Variants in UGT2B11 observed in about 807,000 individuals in gnomAD.
UGT2B11 encodes the protein UDP glucuronosyltransferase family 2 member B11.
UGT2B11 carries 49 observed loss-of-function variants against 51.7 expected under a neutral mutation model. The observed-to-expected ratio is 0.95, with a 90% CI of 0.75 to 1.20. The LOEUF (loss-of-function observed/expected upper bound fraction) is 1.20, where lower values mean the gene tolerates loss of function less well. UGT2B11 is among the 50% of genes most tolerant of loss of function. UGT2B11 has a pLI of 0.00. For missense variants in UGT2B11, 810 were observed against 622.1 expected, an observed-to-expected ratio of 1.30 and a Z score of -3.21; for synonymous variants, 273 against 209.0, an observed-to-expected ratio of 1.31 and a Z score of -2.64.
Position 69,214,634 on chromosome 4 carries a change from G to A in UGT2B11, c.89C>T (p.Ala30Val). The A allele has an allele frequency of 6.2e-7, 1 of 1,613,128 alleles. No individual in the cohort carries two copies. Among genetic ancestry groups the A allele is most frequent in the Non-Finnish European group, 8.5e-7 (1 of 1,179,342 alleles). The change falls in exon 1 of 6, where the codon GCC (alanine) becomes GTC (valine). Residue 30 changes from alanine to valine, a missense_variant. Coordinates refer to ENST00000446444, the MANE Select transcript of UGT2B11 (RefSeq NM_001073.3). The part of the protein sequence containing the change: ...SGSCGKVLVW[A>V]AEYSHWMNMK... ...ATTCATCCAATGGCTGTATTCTGCG[G>A]CCCACACCAGCACTTTTCCACAACT...
chr4:69,224,210 G>A, the UGT2B11 span, among the ~76,000 whole-genome samples: 1 of 152,166 alleles, frequency 6.6e-6, no homozygotes, highest in East Asian at 1.9e-4. Flanking sequence ...GAGGAAAGAA[G>A]TCTGGCCGGC....
chr4:69,217,116 A>G (rs193146662), upstream of UGT2B11, among the ~76,000 whole-genome samples: 5 of 152,244 alleles, frequency 3.3e-5, no homozygotes, highest in African/African-American at 1.2e-4. Context: ...CTAAATTACA[A>G]TATTTTATTT....
At chr4:69,208,503 C>G in intron 2 of UGT2B11, 21 bp from the exon 3 acceptor site, 1 of 1,606,368 alleles carries the variant, frequency 6.2e-7, no homozygotes, top group Non-Finnish European at 8.5e-7. Context: ...AAAATTGTTT[C>G]ATCACAAAAG....
At chr4:69,202,663 T>C (rs1381402610) in intron 5 of UGT2B11, among the ~76,000 whole-genome samples, 2 of 151,800 alleles carry the variant, frequency 1.3e-5, no homozygotes, top group Non-Finnish European at 2.9e-5. Context: ...GTTCTTCAAA[T>C]GTTTTATGTC....
chr4:69,215,768 C>T (rs1226832115), upstream of UGT2B11: 1 of 151,936 alleles, frequency 6.6e-6, no homozygotes, highest in African/African-American at 2.4e-5. Flanking sequence ...GTCTCCACAA[C>T]CTTGCCCACC....
At chr4:69,208,726 G>C (rs537939692) in intron 2 of UGT2B11, among the ~76,000 whole-genome samples, 1 of 151,728 alleles carries the variant, frequency 6.6e-6, no homozygotes, top group South Asian at 2.1e-4. Context: ...GTGTGTAATG[G>C]AGGAAAGAAA....
chr4:69,218,518 C>G (rs140938838), upstream of UGT2B11, among the ~76,000 whole-genome samples: 75 of 151,778 alleles, frequency 4.9e-4, no homozygotes, highest in African/African-American at 1.6e-3. Flanking sequence ...TTTTTTTCTT[C>G]AGAGTTAATG....
In UGT2B11 at chr4:69,208,445, C is replaced by A. The variant is rs767373393; in HGVS notation, c.908G>T (p.Gly303Val). Residue 303 changes from glycine to valine, a missense_variant, in exon 3 of 6, where the codon GGT (glycine) becomes GTT (valine). Physicochemically the swap from Gly to Val is moderately radical, Grantham distance 109. Transcript: ENST00000446444. The part of the protein sequence containing the change: ...EEFVQSSGEN[G>V]VVVFSLGSVI... ...TGACCCCAGAGAAAACACCACAACACCATTTTCTCCAGAGCTCTGTACAAA... is the reference window on the plus strand; with the variant it reads ...TGACCCCAGAGAAAACACCACAACAACATTTTCTCCAGAGCTCTGTACAAA... 6.2e-7 allele frequency: 1 copy of A among 1,609,702 alleles called. No homozygotes were observed. The highest frequency in any genetic ancestry group is 1.1e-5 in the South Asian group (1 of 90,922).
the UGT2B11 span, among the ~76,000 whole-genome samples, chr4:69,224,186 C>T: frequency 2.0e-5 from 3 of 152,066 alleles, no homozygotes; most frequent in African/African-American, 7.2e-5. Flanking sequence ...TGGGAATAAC[C>T]TTGCTTGCGA....
At chr4:69,218,431 AGT>A (rs565154080), upstream of UGT2B11, among the ~76,000 whole-genome samples, 60 of 152,272 alleles carry the variant, frequency 3.9e-4, 1 homozygote, top group African/African-American at 1.3e-3. Flanking sequence ...TGAAAGGGAA[AGT>A]GTTACTTATT....
upstream of UGT2B11, among the ~76,000 whole-genome samples, chr4:69,218,169 A>G (rs994157916): frequency 1.3e-5 from 2 of 152,142 alleles, no homozygotes; most frequent in South Asian, 2.1e-4. Context: ...TAAAACTCCC[A>G]AATTATCTTC....
At chr4:69,218,646 C>A (rs536095913), upstream of UGT2B11, among the ~76,000 whole-genome samples, 7 of 151,840 alleles carry the variant, frequency 4.6e-5, no homozygotes, top group African/African-American at 1.7e-4. Flanking sequence ...ATTCAGACAC[C>A]GAGAGAAGGT....
intron 3 of UGT2B11, 121 bp downstream of exon 3, chr4:69,208,230 A>G: frequency 1.3e-6 from 2 of 1,540,426 alleles, no homozygotes; most frequent in African/African-American, 2.8e-5. Context: ...ACATAAGCAT[A>G]TTTAAGGATG....
At chr4:69,224,121 G>A in the UGT2B11 span, among the ~76,000 whole-genome samples, 1 of 152,118 alleles carries the variant, frequency 6.6e-6, no homozygotes, top group Non-Finnish European at 1.5e-5. Flanking sequence ...GGGATCTTCC[G>A]GGCACCATCC....
At chr4:69,207,702 G>T (rs1721911573) in intron 3 of UGT2B11, among the ~76,000 whole-genome samples, 1 of 151,492 alleles carries the variant, frequency 6.6e-6, no homozygotes, top group African/African-American at 2.4e-5. Flanking sequence ...TTCTCTATTT[G>T]TTGTCACATA....
upstream of UGT2B11, among the ~76,000 whole-genome samples, chr4:69,218,811 G>A (rs1577969899): frequency 6.6e-6 from 1 of 151,910 alleles, no homozygotes; most frequent in African/African-American, 2.4e-5. Flanking sequence ...TTATATAGGA[G>A]TTGTCTCTGT....
upstream of UGT2B11, chr4:69,214,900 C>G (rs1329712632): frequency 2.0e-6 from 2 of 1,009,798 alleles, no homozygotes; most frequent in Non-Finnish European, 1.4e-6. Flanking sequence ...CATATTTACT[C>G]AAGGATGTTT....
In UGT2B11 at chr4:69,200,714, T is replaced by C. The variant is rs1721627168; in HGVS notation, c.1316A>G (p.Lys439Arg). The C allele has an allele frequency of 6.2e-7, 1 of 1,608,750 alleles. No homozygotes were observed. Among genetic ancestry groups the C allele is most frequent in the African/African-American group, 1.3e-5 (1 of 74,554 alleles). ...TCTTGATAATTTCATAATATTCTCT[T>C]TATATCTGAAGGATAAAAATAAGGA... ...LKTVINDPLY[K>R]ENIMKLSRIQ... The change falls in exon 6 of 6, where the codon AAA (lysine) becomes AGA (arginine). Residue 439 changes from lysine (K) to arginine (R), a missense_variant. By Grantham distance (26) the Lys-to-Arg change is conservative (BLOSUM62 2). Transcript: ENST00000446444.
In UGT2B11 at chr4:69,214,639, C is replaced by T. The variant is rs1274847230; in HGVS notation, c.84G>A (p.Val28=). 2 of 1,613,066 alleles carry T rather than the reference C, an allele frequency of 1.2e-6. No individual in the cohort carries two copies. The highest frequency in any genetic ancestry group is 1.7e-6 in the Non-Finnish European group (2 of 1,179,360). The change falls in exon 1 of 6, where the codon GTG becomes GTA. Residue 28 remains valine (V), a synonymous_variant. Coordinates refer to ENST00000446444, the MANE Select transcript of UGT2B11 (RefSeq NM_001073.3). ...TCCAATGGCTGTATTCTGCGGCCCA[C>T]ACCAGCACTTTTCCACAACTCCCAG... ...FSSGSCGKVL[V]WAAEYSHWMN...
Sources: allele counts gnomAD v4.1 joint callset (sites outside exome capture counted in the v4.1 genomes callset), GRCh38; gene constraint gnomAD v4.1.1; transcripts MANE v1.5; gene names NCBI Gene and HGNC (gene_info 2026-07-23, HGNC 2026-07-21).